Variants in CFAP299 observed in about 807,000 individuals in gnomAD.
CFAP299 encodes the protein cilia- and flagella-associated protein 299.
CFAP299 carries 21 observed loss-of-function variants against 27.0 expected under a neutral mutation model. The ratio of observed to expected loss-of-function variants is 0.78; its 90% CI spans 0.55 to 1.12. The LOEUF is 1.12. Ranked by LOEUF, CFAP299 falls within the 50% of genes most tolerant of loss-of-function variation. The pLI is 0.00. For synonymous variants in CFAP299, 104 were observed against 98.1 expected (o/e 1.06, Z -0.36); for missense variants, 310 against 276.6 (o/e 1.12, Z -0.86).
intron 3 of CFAP299, among the ~76,000 whole-genome samples, chr4:80,717,163 A>G (rs1722536087): frequency 6.6e-6 from 1 of 152,110 alleles, no homozygotes; most frequent in African/African-American, 2.4e-5. Context: ...ATAACCACAC[A>G]ATAACTATGA....
intron 2 of CFAP299, among the ~76,000 whole-genome samples, chr4:80,376,131 A>G (rs527697587): frequency 6.6e-6 from 1 of 152,162 alleles, no homozygotes; most frequent in East Asian, 1.9e-4. Context: ...CTGTCCCTAT[A>G]GTTTTGCCTT....
chr4:80,445,767 G>A (rs1578451924), intron 2 of CFAP299, among the ~76,000 whole-genome samples: 1 of 152,024 alleles, frequency 6.6e-6, no homozygotes, highest in South Asian at 2.1e-4. Context: ...ATGTACTTCT[G>A]TGCTACTAAA....
intron 3 of CFAP299, among the ~76,000 whole-genome samples, chr4:80,810,524 G>A (rs1228516917): frequency 5.3e-5 from 8 of 152,192 alleles, no homozygotes; most frequent in Admixed American, 1.3e-4. Flanking sequence ...AAGAGGAGAA[G>A]ATGCAGAGAG....
intron 1 of CFAP299, among the ~76,000 whole-genome samples, chr4:80,338,231 ATT>A (rs1340257939): frequency 3.9e-5 from 6 of 152,174 alleles, no homozygotes; most frequent in Non-Finnish European, 5.9e-5. Context: ...AATTATATAT[ATT>A]GTGGAATGGC....
At chr4:80,746,652 C>T (rs1488095199) in intron 3 of CFAP299, among the ~76,000 whole-genome samples, 1 of 151,758 alleles carries the variant, frequency 6.6e-6, no homozygotes, top group African/African-American at 2.4e-5. Context: ...CTAGTTGCAC[C>T]CTTGAGCAAC....
chr4:80,738,076 T>G (rs1038599289), intron 3 of CFAP299, among the ~76,000 whole-genome samples: 1 of 152,146 alleles, frequency 6.6e-6, no homozygotes, highest in Non-Finnish European at 1.5e-5. Context: ...TTTTATTCCA[T>G]TGTGGTTAGA....
At chr4:80,802,349 G>A (rs556418588) in intron 3 of CFAP299, among the ~76,000 whole-genome samples, 2 of 152,144 alleles carry the variant, frequency 1.3e-5, no homozygotes, top group East Asian at 1.9e-4. Flanking sequence ...GGTGCTTTGA[G>A]TAGTGGTATT....
intron 2 of CFAP299, among the ~76,000 whole-genome samples, chr4:80,495,969 C>G (rs1362744642): frequency 6.6e-6 from 1 of 152,202 alleles, no homozygotes; most frequent in Non-Finnish European, 1.5e-5. Flanking sequence ...TGGGCCTGAC[C>G]CAGGAAACCA....
intron 4 of CFAP299, among the ~76,000 whole-genome samples, chr4:80,913,815 A>G (rs1735604845): frequency 6.6e-6 from 1 of 152,164 alleles, no homozygotes; most frequent in African/African-American, 2.4e-5. Context: ...GAATGTTCTC[A>G]TCACCCCCTA....
intron 4 of CFAP299, among the ~76,000 whole-genome samples, chr4:80,930,637 C>A (rs1578247016): frequency 1.3e-5 from 2 of 152,222 alleles, no homozygotes; most frequent in African/African-American, 4.8e-5. Context: ...TCACAGAAAT[C>A]TTCTATGTTG....
intron 3 of CFAP299, among the ~76,000 whole-genome samples, chr4:80,744,480 A>G (rs1238054108): frequency 4.6e-5 from 7 of 152,106 alleles, no homozygotes; most frequent in African/African-American, 1.7e-4. Context: ...AAATTCATGT[A>G]CATTTTTTAT....
At chr4:80,878,730 T>C (rs189579748) in intron 4 of CFAP299, among the ~76,000 whole-genome samples, 7 of 152,236 alleles carry the variant, frequency 4.6e-5, no homozygotes, top group Admixed American at 1.3e-4. Flanking sequence ...GAAAGGATAG[T>C]ACTTGTGAAA....
chr4:80,543,573 A>C (rs935433493), intron 2 of CFAP299, among the ~76,000 whole-genome samples: 3 of 152,250 alleles, frequency 2.0e-5, no homozygotes, highest in Non-Finnish European at 4.4e-5. Context: ...AAGCATCAAC[A>C]ACCAAATAGA....
At chr4:80,451,172 G>A (rs764201446) in intron 2 of CFAP299, among the ~76,000 whole-genome samples, 5 of 152,096 alleles carry the variant, frequency 3.3e-5, no homozygotes, top group Admixed American at 6.5e-5. Flanking sequence ...TCCTTTTGAG[G>A]CCTCTCTCAC....
intron 3 of CFAP299, among the ~76,000 whole-genome samples, chr4:80,731,772 T>G (rs1435503057): frequency 6.6e-6 from 1 of 152,206 alleles, no homozygotes; most frequent in Non-Finnish European, 1.5e-5. Context: ...TTATCAGCTA[T>G]TCATGGTTTT....
At chr4:80,481,171 T>TA (rs1730547863) in intron 2 of CFAP299, among the ~76,000 whole-genome samples, 1 of 151,902 alleles carries the variant, frequency 6.6e-6, no homozygotes, top group African/African-American at 2.4e-5. Flanking sequence ...GTCTGAGCAG[T>TA]AAAGGCCAAT....
Position 80,902,137 on chromosome 4 carries a change from T to C in CFAP299, c.476+32002T>C, listed in dbSNP as rs377035330. ...GAAGGATGTTCTGAAGTTACATTTC[T>C]TCTATGAGAAAAATCTGAACATTTT... On this transcript the variant is annotated intron_variant, in intron 4 of 5. Transcript: ENST00000358105. Among the ~76,000 whole-genome samples the C allele has an allele frequency of 5.3e-5, 8 of 152,002 alleles. 1 individual carries two copies. The highest frequency in any genetic ancestry group is 1.9e-4 in the African/African-American group (8 of 41,518).
At chr4:80,914,793 G>A (rs1256546424) in intron 4 of CFAP299, among the ~76,000 whole-genome samples, 1 of 151,978 alleles carries the variant, frequency 6.6e-6, no homozygotes, top group East Asian at 1.9e-4. Context: ...CCCTTATTAT[G>A]CCTTTACTAT....
chr4:80,598,141 G>A (rs1293038728), intron 3 of CFAP299, among the ~76,000 whole-genome samples: 2 of 152,296 alleles, frequency 1.3e-5, no homozygotes, highest in East Asian at 3.9e-4. Flanking sequence ...GTATACAAAT[G>A]CCACTATGAG....
Sources: gnomAD v4.1 joint callset for allele counts (sites outside exome capture counted in the v4.1 genomes callset) on GRCh38, gnomAD v4.1.1 for gene constraint, MANE v1.5 for transcripts, NCBI Gene and HGNC (gene_info 2026-07-23, HGNC 2026-07-21) for gene names.